Variants in BRD4 observed in about 807,000 individuals in gnomAD.
BRD4 encodes the protein bromodomain containing 4, also known as bromodomain-containing protein 4.
A neutral mutation model predicts 142.1 loss-of-function variants in BRD4; 16 were observed. That is an observed-to-expected ratio of 0.11 (90% CI 0.08 to 0.17). The LOEUF (loss-of-function observed/expected upper bound fraction) is 0.17, where lower values mean the gene tolerates loss of function less well. Among genes scored for constraint, BRD4 ranks in the 10% least tolerant of loss-of-function variants. The probability of loss-of-function intolerance (pLI) is 1.00; values close to 1 mark genes in which losing one functional copy is unlikely to be tolerated. For missense variants in BRD4, 1,424 were observed against 1,810.9 expected (o/e 0.79, Z 3.88); for synonymous variants, 833 against 707.5 (o/e 1.18, Z -2.82).
chr19:15,282,019 AAAACAAAC>A (rs71333365), intron 1 of BRD4, among the ~76,000 whole-genome samples: 18 of 151,902 alleles, frequency 1.2e-4, no homozygotes, highest in East Asian at 1.9e-4. Flanking sequence ...CTCCATCTCC[AAAACAAAC>A]AAACAAACAA....
rs1048307898 is a variant in BRD4 at position 15,267,606 on chromosome 19, T to C, written c.424-55A>G. 6.3e-6 allele frequency: 10 copies of C among 1,582,988 alleles called. No individual in the cohort carries two copies. In the African/African-American group the frequency reaches 1.1e-4, roughly 17 times the overall value. ...GAGGGCCCTCCCCTCCCCACCTCTG[T>C]AGACAGGGCACCCCATGCCACCCAC... On this transcript the variant is annotated intron_variant, in intron 3 of 19. Coordinates refer to ENST00000679869, the MANE Select transcript of BRD4 (RefSeq NM_001379291.1).
intron 7 of BRD4, among the ~76,000 whole-genome samples, chr19:15,261,231 A>G (rs1168730848): frequency 6.6e-6 from 1 of 152,218 alleles, no homozygotes; most frequent in African/African-American, 2.4e-5. Context: ...TCACGCCTGT[A>G]ATTCCAGCAC....
At chr19:15,240,504 G>T (rs1367618193) in intron 14 of BRD4, among the ~76,000 whole-genome samples, 2 of 152,186 alleles carry the variant, frequency 1.3e-5, no homozygotes, top group African/African-American at 4.8e-5. Context: ...CTGGGGGTGG[G>T]GATGCTCAGG....
chr19:15,302,668 CAAAAAAAAAAAAAAAAA>C (rs572714842), intron 1 of BRD4, among the ~76,000 whole-genome samples: 1 of 56,790 alleles, frequency 1.8e-5, no homozygotes, highest in Non-Finnish European at 2.9e-5. Context: ...GACTCCGACT[CAAAAAAAAAAAAAAAAA>C]AAAAAAAAAG....
Position 15,237,323 on chromosome 19 carries a change from TTGAAAC to T in BRD4, c.*1048_*1053del, listed in dbSNP as rs1359454056. 1 of 218,510 alleles carries T rather than the reference TTGAAAC, an allele frequency of 4.6e-6. No individual in the cohort carries two copies. The highest frequency in any genetic ancestry group is 2.3e-5 in the African/African-American group (1 of 43,472). The allele number at this position is 218,510 out of a possible 1,614,324, so 13.5% of individuals were successfully genotyped here. A position where few individuals can be genotyped will look rare whatever the true frequency, so the allele number is the denominator to read the frequency against. On this transcript the variant is annotated 3_prime_UTR_variant, in exon 20 of 20. Coordinates refer to ENST00000679869, the MANE Select transcript of BRD4 (RefSeq NM_001379291.1). ...ATAATTAAAAATAGACTAATAAAGT[TTGAAAC>T]TGAGTAAAATATAGGCAGGATTTTT...
In BRD4 at chr19:15,243,106, TGCTGGGGTGGAGGCTGGG is replaced by T; in HGVS notation, c.2945_2962del (p.Pro982_Gln987del). On this transcript the variant is annotated inframe_deletion, in exon 14 of 20. Coordinates refer to ENST00000679869, the MANE Select transcript of BRD4 (RefSeq NM_001379291.1). Reference sequence around the variant, plus strand: ...GGGCCGTGGAGGGGGCTGATGCTGCTGCTGGGGTGGAGGCTGGGGCTGGGGTGGTGGGGGTGGTGGCGG... The same window carrying T: ...GGGCCGTGGAGGGGGCTGATGCTGCTGCTGGGGTGGTGGGGGTGGTGGCGG... The T allele has an allele frequency of 1.6e-6, 2 of 1,227,324 alleles. No homozygotes were observed. Among genetic ancestry groups the T allele is most frequent in the East Asian group, 3.1e-5 (1 of 32,538 alleles). 76.0% of individuals were successfully genotyped at this position (1,227,324 alleles called of 1,614,324 possible). A position where few individuals can be genotyped will look rare whatever the true frequency, so the allele number is the denominator to read the frequency against.
rs1166076397 is a variant in BRD4, at chr19:15,239,004, C to T, written c.3783-24G>A. On this transcript the variant is annotated intron_variant, in intron 18 of 19. Transcript: ENST00000679869. This position sits in a 1 kb window ranked among gnomAD's most constrained non-coding sequence, Gnocchi z 7.4. ...TCCTGGGCAGAGGGTCCCAGTCAGC[C>T]TGGGGACTGGTGTGGCCCCAAGAGT... The T allele has an allele frequency of 9.5e-6, 15 of 1,577,478 alleles. No individual in the cohort carries two copies. The highest frequency in any genetic ancestry group is 1.3e-5 in the Non-Finnish European group (15 of 1,163,886).
chr19:15,250,295 T>C (rs2047330745), intron 11 of BRD4, among the ~76,000 whole-genome samples: 1 of 152,180 alleles, frequency 6.6e-6, no homozygotes, highest in Non-Finnish European at 1.5e-5. Context: ...AGTCTCTTCC[T>C]ACTCCCCCAC....
chr19:15,269,975 A>AGG (rs1376734441), intron 2 of BRD4, among the ~76,000 whole-genome samples: 1 of 152,268 alleles, frequency 6.6e-6, no homozygotes, highest in Non-Finnish European at 1.5e-5. Context: ...AGGGCCAGGC[A>AGG]GGGGGCTGCA....
At chr19:15,318,925 C>T (rs974494168) in intron 1 of BRD4, among the ~76,000 whole-genome samples, 3 of 152,304 alleles carry the variant, frequency 2.0e-5, no homozygotes, top group Admixed American at 6.5e-5. Flanking sequence ...ACTGTTGACA[C>T]GTTACCTGAC....
At chr19:15,254,378 T>G in intron 10 of BRD4, 116 bp from the exon 11 acceptor site, 1 of 885,532 alleles carries the variant, frequency 1.1e-6, no homozygotes, top group South Asian at 1.5e-5. Context: ...CTGTGCACGG[T>G]GGGCCCAGGG....
intron 11 of BRD4, among the ~76,000 whole-genome samples, chr19:15,252,127 G>A (rs761777299): frequency 2.0e-5 from 3 of 152,136 alleles, no homozygotes; most frequent in Non-Finnish European, 4.4e-5. Flanking sequence ...TGGGGCACTC[G>A]TTCAGGAAAC....
chr19:15,321,231 T>G (rs2048058738), intron 1 of BRD4, among the ~76,000 whole-genome samples: 2 of 130,596 alleles, frequency 1.5e-5, no homozygotes, highest in Non-Finnish European at 3.3e-5. Context: ...CAAGAAAGAA[T>G]GGGAAAGGGA....
intron 10 of BRD4, among the ~76,000 whole-genome samples, 182 bp from the exon 11 acceptor site, chr19:15,254,444 A>G (rs956298458): frequency 7.2e-5 from 11 of 152,160 alleles, no homozygotes; most frequent in South Asian, 4.1e-4. Flanking sequence ...CACAGTTCCC[A>G]TGGGTAGACT....
intron 1 of BRD4, among the ~76,000 whole-genome samples, chr19:15,311,891 C>G (rs985403741): frequency 6.6e-6 from 1 of 152,100 alleles, no homozygotes; most frequent in African/African-American, 2.4e-5. Flanking sequence ...CTCATAGAAA[C>G]AGAAAGTAGA....
At chr19:15,264,272 T>C in intron 6 of BRD4, 132 bp downstream of exon 6, 1 of 1,285,992 alleles carries the variant, frequency 7.8e-7, no homozygotes, top group Non-Finnish European at 1.1e-6. Flanking sequence ...TTTCTTCGAG[T>C]TGGCGGGAAA....
At chr19:15,241,571 T>C (rs928222834) in intron 14 of BRD4, among the ~76,000 whole-genome samples, 1 of 152,206 alleles carries the variant, frequency 6.6e-6, no homozygotes. Flanking sequence ...GGACCTGAAG[T>C]AGAGCTGGCT....
chr19:15,278,105 C>CAAAAAAAAAAAAAAAAAAAAAAAAAAAAA, intron 1 of BRD4, among the ~76,000 whole-genome samples: 1 of 55,028 alleles, frequency 1.8e-5, no homozygotes, highest in Non-Finnish European at 3.2e-5. Flanking sequence ...GACTCCGTCT[C>CAAAAAAAAAAAAAAAAAAAAAAAAAAAAA]AAAAAAAAAA....
In BRD4 at chr19:15,236,410, A is replaced by G. The variant is rs2047192253; in HGVS notation, c.*1967T>C. The G allele has an allele frequency of 6.6e-6, 1 of 151,852 alleles. No homozygotes were observed. Among genetic ancestry groups the G allele is most frequent in the African/African-American group, 2.4e-5 (1 of 41,256 alleles). 9.4% of individuals were successfully genotyped at this position (151,852 alleles called of 1,614,324 possible). A position where few individuals can be genotyped will look rare whatever the true frequency, so the allele number is the denominator to read the frequency against. On this transcript the variant is annotated 3_prime_UTR_variant, in exon 20 of 20. Coordinates refer to ENST00000679869, the MANE Select transcript of BRD4 (RefSeq NM_001379291.1). ...TTTTGGGGGATGTAGACTTATATCTAAGAGTATCTGGTTAACCCTGAGCTT... is the reference window on the plus strand; with the variant it reads ...TTTTGGGGGATGTAGACTTATATCTGAGAGTATCTGGTTAACCCTGAGCTT...
Sources: gnomAD v4.1 joint callset for allele counts (sites outside exome capture counted in the v4.1 genomes callset) on GRCh38, gnomAD v4.1.1 for gene constraint, Gnocchi (gnomAD v3.1) non-coding constraint, MANE v1.5 for transcripts, NCBI Gene and HGNC (gene_info 2026-07-23, HGNC 2026-07-21) for gene names.